MTUS1: variants seen among roughly 807,000 people sequenced by gnomAD.
MTUS1 encodes the protein microtubule associated scaffold protein 1.
In MTUS1, 109 loss-of-function variants were observed where a neutral mutation model predicts 120.8. The observed-to-expected ratio is 0.90, with a 90% CI of 0.77 to 1.06. The LOEUF (loss-of-function observed/expected upper bound fraction) is 1.06. Among genes scored for constraint, MTUS1 ranks in the 50% least tolerant of loss-of-function variants. MTUS1 has a pLI of 0.00. For synonymous variants in MTUS1, 737 were observed against 550.5 expected (o/e 1.34, Z -4.74); for missense variants, 2,210 against 1,486.3 (o/e 1.49, Z -8.01).
Position 17,754,928 on chromosome 8 carries a change from G to A in MTUS1, c.880C>T (p.Pro294Ser), listed in dbSNP as rs749599557. The A allele has an allele frequency of 6.2e-6, 10 of 1,613,984 alleles. No individual in the cohort carries two copies. Among genetic ancestry groups the A allele is most frequent in the Admixed American group, 3.3e-5 (2 of 59,998 alleles). The change falls in exon 2 of 15, where the codon CCA becomes TCA. Residue 294 changes from proline (P) to serine (S), a missense_variant. Coordinates refer to ENST00000693296, the MANE Select transcript of MTUS1 (RefSeq NM_001363059.2). Reference protein sequence around the residue: ...VGEKETQALTPVSDGMEVPND... With the variant: ...VGEKETQALTSVSDGMEVPND... ...GGGACTTCCATGCCATCAGAAACTG[G>A]TGTTAGTGCTTGTGTCTCCTTTTCT... is the stretch of plus-strand genomic sequence containing the variant.
chr8:17,722,410 G>A (rs915610759), intron 4 of MTUS1: 34 of 984,024 alleles, frequency 3.5e-5, no homozygotes, highest in African/African-American at 2.6e-4. Context: ...AATAATACAC[G>A]TGTGAATTAC....
intron 6 of MTUS1, among the ~76,000 whole-genome samples, chr8:17,686,707 A>C (rs3862096): frequency 0.59 from 88,941 of 152,002 alleles, 27,182 homozygotes; most frequent in East Asian, 0.7. Flanking sequence ...TTATATTAAT[A>C]TTTTGGAGAA....
chr8:17,750,812 T>A (rs544233397), intron 2 of MTUS1, among the ~76,000 whole-genome samples: 2 of 152,344 alleles, frequency 1.3e-5, no homozygotes, highest in East Asian at 3.9e-4. Flanking sequence ...ACTCCCTTTA[T>A]CTCACACACT....
intron 4 of MTUS1, among the ~76,000 whole-genome samples, chr8:17,721,355 T>C (rs2045829029): frequency 6.6e-6 from 1 of 152,220 alleles, no homozygotes; most frequent in Admixed American, 6.5e-5. Flanking sequence ...CCATTTTAAT[T>C]TTAGAAAAGT....
At chr8:17,722,575 A>G (rs938015374) in intron 4 of MTUS1, 2 of 985,094 alleles carry the variant, frequency 2.0e-6, no homozygotes, top group African/African-American at 1.7e-5. Context: ...TTACTCTCAT[A>G]TGAGTCCAGC....
chr8:17,689,443 A>C (rs1816518859), intron 6 of MTUS1, among the ~76,000 whole-genome samples: 1 of 152,218 alleles, frequency 6.6e-6, no homozygotes, highest in African/African-American at 2.4e-5. Flanking sequence ...TCATATAAAA[A>C]ATTCCTGTTT....
chr8:17,801,259 TC>T (rs1002859614), upstream of MTUS1: 1 of 148,802 alleles, frequency 6.7e-6, no homozygotes, highest in Non-Finnish European at 1.5e-5. Context: ...CCTCCCCGCC[TC>T]CCCGCCTCCG....
In MTUS1 at chr8:17,742,280, TTGTTGTTGTTG is replaced by T. The variant is rs1175238164; in HGVS notation, c.2287+1313_2287+1323del. Among the ~76,000 whole-genome samples, 582 of 110,960 alleles carry T rather than the reference TTGTTGTTGTTG, an allele frequency of 5.2e-3. 35 individuals carry two copies. Among genetic ancestry groups the T allele is most frequent in the African/African-American group, 0.021 (531 of 25,670 alleles). The allele number at this position is 110,960 out of a possible 152,430, so 72.8% of individuals were successfully genotyped here. A position where few individuals can be genotyped will look rare whatever the true frequency, so the allele number is the denominator to read the frequency against. On this transcript the variant is annotated intron_variant, in intron 3 of 14. Transcript: ENST00000693296. ...TCTCATGCCCAGCTGTTTTTTTTTTTTGTTGTTGTTGTTTTTTTTTTTTTTTTTTTTAGAGA... is the reference window on the plus strand; with the variant it reads ...TCTCATGCCCAGCTGTTTTTTTTTTTTTTTTTTTTTTTTTTTTTTTAGAGA...
intron 1 of MTUS1, among the ~76,000 whole-genome samples, chr8:17,794,299 G>A (rs2052039822): frequency 6.6e-6 from 1 of 151,924 alleles, no homozygotes; most frequent in African/African-American, 2.4e-5. Flanking sequence ...CTGCACTCCA[G>A]CCTGGGCAAC....
intron 4 of MTUS1, chr8:17,721,968 C>A: frequency 6.7e-7 from 1 of 1,490,076 alleles, no homozygotes; most frequent in Non-Finnish European, 8.9e-7. Context: ...ATCCCTCATG[C>A]TTGCTCTTAG....
At chr8:17,659,219 G>C (rs961603560) in intron 8 of MTUS1, among the ~76,000 whole-genome samples, 5 of 152,120 alleles carry the variant, frequency 3.3e-5, no homozygotes, top group Non-Finnish European at 7.3e-5. Flanking sequence ...GCTGTTTCTT[G>C]TGCTGGGGCT....
intron 1 of MTUS1, among the ~76,000 whole-genome samples, chr8:17,772,709 T>A (rs2050106595): frequency 6.6e-6 from 1 of 152,202 alleles, no homozygotes; most frequent in African/African-American, 2.4e-5. Flanking sequence ...TATCATTCAA[T>A]GTTAGAGAAA....
At chr8:17,672,022 A>ATT in intron 8 of MTUS1, among the ~76,000 whole-genome samples, 1 of 152,224 alleles carries the variant, frequency 6.6e-6, no homozygotes, top group African/African-American at 2.4e-5. Flanking sequence ...ACATCCAACT[A>ATT]GGAGTGGATG....
At chr8:17,657,475 G>A (rs1183167555) in intron 8 of MTUS1, among the ~76,000 whole-genome samples, 3 of 150,358 alleles carry the variant, frequency 2.0e-5, no homozygotes, top group Non-Finnish European at 3.0e-5. Context: ...GGCTGAGGCA[G>A]GAGAATGGCG....
chr8:17,654,883 G>C (rs1807866993), intron 9 of MTUS1: 3 of 563,178 alleles, frequency 5.3e-6, no homozygotes, highest in Non-Finnish European at 6.3e-6. Flanking sequence ...GAGCCCAGCA[G>C]TTCAAGTCCA....
intron 12 of MTUS1, 57 bp from the exon 13 acceptor site, chr8:17,650,019 G>A (rs9632870): frequency 1.1e-6 from 1 of 918,248 alleles, no homozygotes; most frequent in Non-Finnish European, 1.8e-6. Flanking sequence ...ATTCTTAACA[G>A]AAAGAATCTT....
chr8:17,800,441 A>G (rs1045507503), intron 1 of MTUS1, among the ~76,000 whole-genome samples: 3 of 152,240 alleles, frequency 2.0e-5, no homozygotes, highest in African/African-American at 7.2e-5. Context: ...TACGCAGGCT[A>G]AATGAATTAA....
chr8:17,715,960 A>G, intron 4 of MTUS1, 59 bp from the exon 5 acceptor site: 1 of 1,515,198 alleles, frequency 6.6e-7, no homozygotes, highest in Non-Finnish European at 9.0e-7. Context: ...TCGACCTTCC[A>G]CATTTATTCC....
intron 6 of MTUS1, among the ~76,000 whole-genome samples, chr8:17,709,648 G>T (rs1563244056): frequency 6.6e-6 from 1 of 152,018 alleles, no homozygotes; most frequent in South Asian, 2.1e-4. Context: ...GTTTCTCAGT[G>T]CATATAAAAC....
Sources: gnomAD v4.1 joint callset for allele counts (sites outside exome capture counted in the v4.1 genomes callset) on GRCh38, gnomAD v4.1.1 for gene constraint, MANE v1.5 for transcripts, NCBI Gene and HGNC (gene_info 2026-07-23, HGNC 2026-07-21) for gene names.